The following ATRX variants were observed in gnomAD, a reference collection of about 807,000 sequenced individuals.
ATRX encodes ATRX chromatin remodeler.
In ATRX, 12 loss-of-function variants were observed where a neutral mutation model predicts 172.6. The observed-to-expected ratio is 0.07, with a 90% CI of 0.04 to 0.11. ATRX has a LOEUF of 0.11. Among genes scored for constraint, ATRX ranks in the 10% least tolerant of loss-of-function variants. The probability of loss-of-function intolerance (pLI) is 1.00; values close to 1 mark genes in which losing one functional copy is unlikely to be tolerated. For missense variants in ATRX, 1,368 were observed against 1,767.4 expected (o/e 0.77, Z 4.05); for synonymous variants, 674 against 594.7 (o/e 1.13, Z -1.94).
At chrX:77,720,923 C>T in intron 1 of ATRX, among the ~76,000 whole-genome samples, 1 of 111,677 alleles carries the variant, frequency 9.0e-6, no homozygotes, top group Admixed American at 9.5e-5. Context: ...TGCAAAAATC[C>T]TCAATAAAAT....
In ATRX at chrX:77,682,847, A is replaced by C. The variant is rs782348869; in HGVS notation, c.2409T>G (p.Ile803Met). The C allele has an allele frequency of 2.5e-6, 3 of 1,207,093 alleles. No homozygotes were observed. Among genetic ancestry groups the C allele is most frequent in the African/African-American group, 3.5e-5 (2 of 57,312 alleles). The change falls in exon 9 of 35, where the codon ATT (isoleucine) becomes ATG (methionine). Residue 803 changes from isoleucine to methionine, a missense_variant. Ile to Met is a conservative substitution (Grantham distance 10). Around this residue, in one of 17 missense-constraint regions of ATRX, gnomAD observed 843 missense variants for 643.1 expected, o/e 1.31. Coordinates refer to ENST00000373344, the MANE Select transcript of ATRX (RefSeq NM_000489.6). ...KKGKSAKSSI[I>M]SKKKRQTQSE... Reference sequence around the variant, plus strand: ...ACTGGGTTTGTCGTTTCTTTTTAGAAATTATAGAGCTCTTAGCTGATTTGC... The same window carrying C: ...ACTGGGTTTGTCGTTTCTTTTTAGACATTATAGAGCTCTTAGCTGATTTGC...
rs2062705336 is a variant in ATRX at position 77,506,298 on chromosome X, G to A, written c.*2053C>T. 1 of 171,624 alleles carries A rather than the reference G, an allele frequency of 5.8e-6. No homozygotes were observed. Among genetic ancestry groups the A allele is most frequent in the Admixed American group, 8.0e-5 (1 of 12,511 alleles). The allele number at this position is 171,624 out of a possible 1,213,427, so 14.1% of individuals were successfully genotyped here. A position where few individuals can be genotyped will look rare whatever the true frequency, so the allele number is the denominator to read the frequency against. Reference sequence around the variant, plus strand: ...ATATTATATAGCTAAAATGTCAAGTGAGAAGAGTGTATACAAAGTGGTCCA... The same window carrying A: ...ATATTATATAGCTAAAATGTCAAGTAAGAAGAGTGTATACAAAGTGGTCCA... On this transcript the variant is annotated 3_prime_UTR_variant, in exon 35 of 35. Transcript: ENST00000373344.
Position 77,717,113 on chromosome X carries a change from C to A in ATRX, c.133+18G>T. The A allele has an allele frequency of 8.7e-7, 1 of 1,154,830 alleles. No homozygotes were observed. Among genetic ancestry groups the A allele is most frequent in the Non-Finnish European group, 1.2e-6 (1 of 844,847 alleles). ...AGAAAAAAGACTAGAAGGTATAGCA[C>A]ATTCTTTTTCAATTTACCTGTGTTT... On this transcript the variant is annotated intron_variant, in intron 2 of 34. Coordinates refer to ENST00000373344, the MANE Select transcript of ATRX (RefSeq NM_000489.6).
Position 77,682,380 on chromosome X carries a change from T to C in ATRX, c.2876A>G (p.Asp959Gly), listed in dbSNP as rs1557138688. ...TTTCTCTGCAATATCAGATAAGCCA[T>C]CCTGTACTTTTTTACATGTTTTGGT... ...LKTKTCKKVQ[D>G]GLSDIAEKFL... The change falls in exon 9 of 35, where the codon GAT becomes GGT. Residue 959 changes from aspartate to glycine, a missense_variant. Physicochemically the swap from Asp to Gly is moderately conservative, Grantham distance 94. This residue lies in a region of ATRX where 843 missense variants were observed against 643.1 expected (regional missense o/e 1.31). Transcript: ENST00000373344. 5.0e-6 allele frequency: 6 copies of C among 1,211,706 alleles called. No homozygotes were observed. The highest frequency in any genetic ancestry group is 3.0e-5 in the East Asian group (1 of 33,857).
intron 17 of ATRX, chrX:77,633,925 T>C (rs2068225928): frequency 2.4e-6 from 1 of 409,535 alleles, no homozygotes. Context: ...CATGATTCTA[T>C]GATCAATGTG....
rs1001660903 is a variant in ATRX at position 77,587,268 on chromosome X, T to C, written c.6217+2566A>G. Among the ~76,000 whole-genome samples, 3 of 110,766 alleles carry C rather than the reference T, an allele frequency of 2.7e-5. 1 individual carries two copies. Among genetic ancestry groups the C allele is most frequent in the Non-Finnish European group, 5.7e-5 (3 of 52,951 alleles). ...ATCCAGCACCATATAAAAAGAATTA[T>C]ACACCATGACAAGTGGGATTTATCC... On this transcript the variant is annotated intron_variant, in intron 27 of 34. Transcript: ENST00000373344.
At chrX:77,520,739 C>T (rs373952858) in intron 34 of ATRX, 49 bp downstream of exon 34, 1 of 1,179,415 alleles carries the variant, frequency 8.5e-7, no homozygotes, top group Middle Eastern at 2.6e-4. Flanking sequence ...ATTATAAAGT[C>T]AAGAAAATTA....
Position 77,662,353 on chromosome X carries a change from G to A in ATRX, c.4120+1029C>T, listed in dbSNP as rs1265545200. On this transcript the variant is annotated intron_variant, in intron 12 of 34. Coordinates refer to ENST00000373344, the MANE Select transcript of ATRX (RefSeq NM_000489.6). ...AAAGGACTCAGGCTTTTAATGAAAT[G>A]GAAATCTACTCTGACTATATGCCAG... Among the ~76,000 whole-genome samples, 10 of 111,721 alleles carry A rather than the reference G, an allele frequency of 9.0e-5. 1 individual carries two copies. Among genetic ancestry groups the A allele is most frequent in the African/African-American group, 2.9e-4 (9 of 30,732 alleles).
At chrX:77,755,724 C>G (rs1427145049) in intron 1 of ATRX, among the ~76,000 whole-genome samples, 1 of 111,574 alleles carries the variant, frequency 9.0e-6, no homozygotes, top group Non-Finnish European at 1.9e-5. Context: ...CAGAAGGGCA[C>G]CAGCCTGATG....
At chrX:77,715,396 G>A (rs1406912052) in intron 2 of ATRX, among the ~76,000 whole-genome samples, 1 of 111,839 alleles carries the variant, frequency 8.9e-6, no homozygotes, top group African/African-American at 3.3e-5. Context: ...TAGCCTAGGT[G>A]TGTAGTAGCC....
intron 30 of ATRX, among the ~76,000 whole-genome samples, chrX:77,534,731 C>T (rs1011513030): frequency 1.7e-4 from 19 of 111,251 alleles, no homozygotes; most frequent in African/African-American, 5.2e-4. Context: ...GCTTTTAAAA[C>T]GACTAGTTCA....
intron 29 of ATRX, among the ~76,000 whole-genome samples, chrX:77,558,355 C>G (rs1602534582): frequency 9.1e-6 from 1 of 109,746 alleles, no homozygotes; most frequent in African/African-American, 3.3e-5. Flanking sequence ...AAGGATCTAC[C>G]AAAAAAAACC....
At chrX:77,548,806 T>C (rs781908197) in intron 30 of ATRX, among the ~76,000 whole-genome samples, 8 of 112,281 alleles carry the variant, frequency 7.1e-5, no homozygotes, top group African/African-American at 2.6e-4. Flanking sequence ...AAAGTTTGAA[T>C]ACAGGACTAA....
intron 2 of ATRX, among the ~76,000 whole-genome samples, chrX:77,712,363 G>C (rs2148730014): frequency 8.9e-6 from 1 of 112,228 alleles, no homozygotes; most frequent in African/African-American, 3.2e-5. Context: ...CACTACTGAA[G>C]GAGTTCCTCA....
rs1373599666 is a variant in ATRX, at chrX:77,620,284, A to G, written c.5272+111T>C. ...AGACTAAGATGAACCTATGTAGATC[A>G]TGGTCTAGGACTATACTAGAATAAG... On this transcript the variant is annotated intron_variant, in intron 20 of 34. Transcript: ENST00000373344. 2.9e-5 allele frequency: 24 copies of G among 825,496 alleles called. No individual in the cohort carries two copies. The East Asian group carries it at 4.8e-4, about 17-fold the overall frequency. The allele number at this position is 825,496 out of a possible 1,213,427, so 68.0% of individuals were successfully genotyped here.
At chrX:77,575,109 T>A (rs183457477) in intron 27 of ATRX, among the ~76,000 whole-genome samples, 2 of 110,953 alleles carry the variant, frequency 1.8e-5, no homozygotes, top group African/African-American at 6.5e-5. Flanking sequence ...TCTAATTATT[T>A]AACTGTAAAC....
At chrX:77,671,532 AC>A (rs1228726592) in intron 10 of ATRX, among the ~76,000 whole-genome samples, 1 of 109,890 alleles carries the variant, frequency 9.1e-6, no homozygotes, top group Non-Finnish European at 1.9e-5. Context: ...AAAAATCTAA[AC>A]CAGTTTTAGA....
At chrX:77,776,886 G>A (rs1286395624) in intron 1 of ATRX, among the ~76,000 whole-genome samples, 1 of 111,304 alleles carries the variant, frequency 9.0e-6, no homozygotes, top group Non-Finnish European at 1.9e-5. Context: ...TCTTTTTAGA[G>A]GGGTGTAGTA....
chrX:77,705,014 G>T, intron 2 of ATRX, among the ~76,000 whole-genome samples: 1 of 111,525 alleles, frequency 9.0e-6, no homozygotes. Context: ...CAGGAGGGTG[G>T]GACTCCAGCC....
Sources: gnomAD v4.1 joint callset for allele counts (sites outside exome capture counted in the v4.1 genomes callset) on GRCh38, gnomAD v4.1.1 for gene constraint, gnomAD v4.1.1 regional missense constraint, MANE v1.5 for transcripts, NCBI Gene and HGNC (gene_info 2026-07-23, HGNC 2026-07-21) for gene names.